The following ME1 variants were observed in gnomAD, a reference collection of about 807,000 sequenced individuals.
ME1 encodes the protein NADP-dependent malic enzyme.
Under a neutral mutation model 66.4 loss-of-function variants are expected in ME1, and 74 were observed. The observed-to-expected ratio is 1.11, with a 90% CI of 0.92 to 1.35. The LOEUF is 1.35. ME1 is among the 40% of genes most tolerant of loss of function. ME1 has a pLI of 0.00. For missense variants in ME1, 750 were observed against 694.1 expected (o/e 1.08, Z -0.90); for synonymous variants, 251 against 235.6 (o/e 1.07, Z -0.60).
rs773503862 is a variant in ME1 at position 83,345,656 on chromosome 6, GT to G, written c.600+516del. ...TTCTATGTTTAACTTCTAGTATCTA[GT>G]TAGCTAGTTAATCCTAAATATTAGC... On this transcript the variant is annotated intron_variant, in intron 5 of 13. Transcript: ENST00000369705. Among the ~76,000 whole-genome samples the G allele has an allele frequency of 4.0e-5, 6 of 151,874 alleles. No homozygotes were observed. In the East Asian group the frequency reaches 9.6e-4, roughly 24 times the overall value.
intron 7 of ME1, among the ~76,000 whole-genome samples, chr6:83,243,499 TGATATAATCTATTATAATTATATTATATC>T (rs1562457427): frequency 4.3e-3 from 556 of 129,066 alleles, no homozygotes; most frequent in Middle Eastern, 7.8e-3. Context: ...TATGTTATAT[TGATATAATCTATTATAATTATATTATATC>T]GATATAATCT....
At chr6:83,243,887 G>GTATATA (rs370591861) in intron 7 of ME1, among the ~76,000 whole-genome samples, 1,337 of 127,546 alleles carry the variant, frequency 0.01, 10 homozygotes, top group Middle Eastern at 0.017. Context: ...ATGTGTGTGT[G>GTATATA]TATATATATA....
intron 6 of ME1, among the ~76,000 whole-genome samples, chr6:83,290,323 T>A (rs1229537979): frequency 1.3e-5 from 2 of 152,218 alleles, no homozygotes; most frequent in African/African-American, 4.8e-5. Context: ...TTCTGGTACA[T>A]TGTGTCTTTG....
intron 1 of ME1, among the ~76,000 whole-genome samples, chr6:83,409,555 T>C (rs1422361753): frequency 1.3e-5 from 2 of 152,202 alleles, no homozygotes; most frequent in Admixed American, 1.3e-4. Context: ...TTTCTTCTAA[T>C]TTTTCATATA....
chr6:83,334,366 C>T (rs1336156612), intron 5 of ME1, among the ~76,000 whole-genome samples: 2 of 93,996 alleles, frequency 2.1e-5, no homozygotes, highest in Admixed American at 2.4e-4. Context: ...GATCAAACTG[C>T]AAGGCGGCAA....
chr6:83,358,411 G>GT (rs760811494), intron 3 of ME1, among the ~76,000 whole-genome samples: 1 of 152,122 alleles, frequency 6.6e-6, no homozygotes, highest in Non-Finnish European at 1.5e-5. Context: ...CTCAGAGATT[G>GT]TATCTCCTGG....
At chr6:83,389,804 C>A (rs1169758443) in intron 3 of ME1, among the ~76,000 whole-genome samples, 2 of 152,040 alleles carry the variant, frequency 1.3e-5, no homozygotes, top group Admixed American at 1.3e-4. Flanking sequence ...TTGTCTCTAG[C>A]TTCCAAAAAT....
chr6:83,368,801 C>T (rs181018036), intron 3 of ME1, among the ~76,000 whole-genome samples: 5 of 152,226 alleles, frequency 3.3e-5, no homozygotes, highest in East Asian at 3.9e-4. Flanking sequence ...CTTCTCCAGA[C>T]TCAGTAATTT....
At chr6:83,364,368 T>G (rs1769060240) in intron 3 of ME1, among the ~76,000 whole-genome samples, 1 of 152,124 alleles carries the variant, frequency 6.6e-6, no homozygotes, top group African/African-American at 2.4e-5. Flanking sequence ...TGTGATTGTG[T>G]GAGTTAATAC....
Position 83,405,871 on chromosome 6 carries a change from G to T in ME1, c.212+1897C>A, listed in dbSNP as rs1159054878. 2.0e-5 allele frequency among the ~76,000 whole-genome samples: 3 copies of T among 151,726 alleles called. 1 individual carries two copies. In the South Asian group the frequency reaches 6.2e-4, roughly 32 times the overall value. ...CAAGTAGCTGGGACTACAGGCGCCC[G>T]CCACTATGCCCGGCTAATTTTTTGT... On this transcript the variant is annotated intron_variant, in intron 2 of 13. Coordinates refer to ENST00000369705, the MANE Select transcript of ME1 (RefSeq NM_002395.6).
rs1204491437 is a variant in ME1, at chr6:83,393,503, C to A, written c.362+4864G>T. ...CTGCCACACTCAGTCTCCCACCACA[C>A]TGAGAATCTCCCCTCCTCATAGTTT... On this transcript the variant is annotated intron_variant, in intron 3 of 13. Coordinates refer to ENST00000369705, the MANE Select transcript of ME1 (RefSeq NM_002395.6). The A allele has an allele frequency of 7.9e-6, 3 of 382,042 alleles. No individual in the cohort carries two copies. In the Admixed American group the frequency reaches 1.3e-4, roughly 16 times the overall value. 23.7% of individuals were successfully genotyped at this position (382,042 alleles called of 1,614,324 possible).
At chr6:83,258,551 C>T (rs562272146) in intron 6 of ME1, among the ~76,000 whole-genome samples, 1 of 152,070 alleles carries the variant, frequency 6.6e-6, no homozygotes, top group South Asian at 2.1e-4. Context: ...GAAATAACAC[C>T]CATAAAATTA....
intron 3 of ME1, chr6:83,393,502 A>T: frequency 2.6e-6 from 1 of 382,210 alleles, no homozygotes; most frequent in Admixed American, 4.2e-5. Context: ...CTCCCACCAC[A>T]CTGAGAATCT....
chr6:83,283,010 C>T (rs1364408354), intron 6 of ME1, among the ~76,000 whole-genome samples: 1 of 151,298 alleles, frequency 6.6e-6, no homozygotes, highest in Non-Finnish European at 1.5e-5. Flanking sequence ...GGGCGGATCA[C>T]GAGGTCAGGA....
chr6:83,427,026 T>C (rs909148793), intron 1 of ME1, among the ~76,000 whole-genome samples: 18 of 152,146 alleles, frequency 1.2e-4, no homozygotes, highest in Admixed American at 9.2e-4. Flanking sequence ...CACATGAAAA[T>C]TATTGAGAAA....
chr6:83,407,544 A>T (rs1769969189), intron 2 of ME1, among the ~76,000 whole-genome samples: 1 of 152,210 alleles, frequency 6.6e-6, no homozygotes, highest in Non-Finnish European at 1.5e-5. Flanking sequence ...TATGATAAAC[A>T]TGGTCTGTCT....
chr6:83,227,466 T>C lies in ME1; in HGVS notation c.1144A>G (p.Ile382Val). Residue 382 changes from isoleucine to valine, a missense_variant, in exon 11 of 14, where the codon ATT becomes GTT. Physicochemically the swap from Ile to Val is conservative, Grantham distance 29. Transcript: ENST00000369705. ...ATTTGTTCTGAGAATGCACCACCAA[T>C]TGCAGCAACTCCTAATGAAGAAATA... ...KPTALIGVAAIGGAFSEQILK... is the reference protein window; with the variant it reads ...KPTALIGVAAVGGAFSEQILK... 6.3e-7 allele frequency: 1 copy of C among 1,599,330 alleles called. No individual in the cohort carries two copies. Among genetic ancestry groups the C allele is most frequent in the Non-Finnish European group, 8.5e-7 (1 of 1,170,972 alleles).
chr6:83,357,063 T>C (rs1175599511), intron 3 of ME1, among the ~76,000 whole-genome samples: 1 of 152,222 alleles, frequency 6.6e-6, no homozygotes, highest in African/African-American at 2.4e-5. Context: ...TTAGTGTTTT[T>C]ATAGAATGTC....
chr6:83,331,122 G>A (rs1032074831), intron 5 of ME1, among the ~76,000 whole-genome samples: 1 of 152,168 alleles, frequency 6.6e-6, no homozygotes, highest in African/African-American at 2.4e-5. Context: ...GTGACCTCTT[G>A]AGGACTGATC....
Sources: gnomAD v4.1 joint callset for allele counts (sites outside exome capture counted in the v4.1 genomes callset) on GRCh38, gnomAD v4.1.1 for gene constraint, MANE v1.5 for transcripts, NCBI Gene and HGNC (gene_info 2026-07-23, HGNC 2026-07-21) for gene names.